EXOC3L2: variants seen among roughly 807,000 people sequenced by gnomAD.
EXOC3L2 encodes the protein exocyst complex component 3 like 2.
In EXOC3L2, 17 loss-of-function variants were observed where a neutral mutation model predicts 44.4. That is an observed-to-expected ratio of 0.38 (90% CI 0.26 to 0.57). EXOC3L2 has a LOEUF of 0.57. Among genes scored for constraint, EXOC3L2 ranks in the 20% least tolerant of loss-of-function variants. The pLI is 0.65. For synonymous variants in EXOC3L2, 256 were observed against 253.7 expected, an observed-to-expected ratio of 1.01 and a Z score of -0.09; for missense variants, 541 against 588.4, an observed-to-expected ratio of 0.92 and a Z score of 0.83.
At chr19:45,235,379 C>A (rs1490024111) in intron 2 of EXOC3L2, among the ~76,000 whole-genome samples, 4 of 151,154 alleles carry the variant, frequency 2.6e-5, no homozygotes, top group Admixed American at 1.3e-4. Flanking sequence ...GGTTGCAGGG[C>A]GGAAAAATGG....
chr19:45,218,170 A>ACC, intron 9 of EXOC3L2, 27 bp downstream of exon 9: 2 of 438,388 alleles, frequency 4.6e-6, no homozygotes, highest in Non-Finnish European at 6.2e-6. Context: ...CCCCACCCCC[A>ACC]CCTCCCCTCC....
At chr19:45,224,650 C>A (rs945232919) in intron 8 of EXOC3L2, 128 bp downstream of exon 8, 11 of 1,351,470 alleles carry the variant, frequency 8.1e-6, no homozygotes, top group African/African-American at 1.5e-5. Context: ...GCCTTAACTG[C>A]CCCTGCCCCC....
At chr19:45,215,153 AAAAC>A (rs1318716890) in intron 11 of EXOC3L2, among the ~76,000 whole-genome samples, 3 of 152,044 alleles carry the variant, frequency 2.0e-5, no homozygotes, top group Non-Finnish European at 4.4e-5. Context: ...AAAACAAAAC[AAAAC>A]AAACAACAAC....
At chr19:45,217,129 C>T (rs1208495701) in intron 10 of EXOC3L2, among the ~76,000 whole-genome samples, 1 of 151,790 alleles carries the variant, frequency 6.6e-6, no homozygotes, top group Non-Finnish European at 1.5e-5. Flanking sequence ...TCAAGCGATT[C>T]TCCTGCCTCA....
chr19:45,231,861 G>A lies in EXOC3L2; in HGVS notation c.1171C>T (p.Leu391=). The change falls in exon 4 of 12, where the codon CTG becomes TTG. Residue 391 remains leucine, a synonymous_variant. Coordinates refer to ENST00000413988, the MANE Select transcript of EXOC3L2 (RefSeq NM_001382422.1). ...NQVYPREVLG[L]VDMAALENGE... The stretch of plus-strand genomic sequence containing the variant: ...TTCTCCAGGGCGGCCATGTCCACCA[G>A]CCCTAGGACCTCTCTGGGGATGGGG... 2 of 1,597,938 alleles carry A rather than the reference G, an allele frequency of 1.3e-6. No individual in the cohort carries two copies. The highest frequency in any genetic ancestry group is 2.7e-5 in the African/African-American group (2 of 74,788).
chr19:45,224,788 T>C lies in EXOC3L2; in HGVS notation c.1709A>G (p.Gln570Arg), dbSNP rs781258739. 1.3e-6 allele frequency: 2 copies of C among 1,556,038 alleles called. No individual in the cohort carries two copies. The highest frequency in any genetic ancestry group is 1.7e-6 in the Non-Finnish European group (2 of 1,149,556). ...TCCCACCTCACTCACCTGCAGCTCC[T>C]GGAACAGCAGGTTGGCCACGACACG... ...CHRVVANLLFQELQPHFNKLM... is the reference protein window; with the variant it reads ...CHRVVANLLFRELQPHFNKLM... Residue 570 changes from glutamine (Q) to arginine (R), a missense_variant, in exon 8 of 12, where the codon CAG becomes CGG. Transcript: ENST00000413988.
At chr19:45,241,031 C>A (rs146533900) in intron 1 of EXOC3L2, among the ~76,000 whole-genome samples, 758 of 152,288 alleles carry the variant, frequency 5.0e-3, no homozygotes, top group Middle Eastern at 0.02. Flanking sequence ...TGAGTCCTGC[C>A]CATTCCATCT....
In EXOC3L2 at chr19:45,234,749, C is replaced by T. The variant is rs1293953135; in HGVS notation, c.601G>A (p.Glu201Lys). The T allele has an allele frequency of 1.5e-5, 6 of 395,660 alleles. No individual in the cohort carries two copies. Among genetic ancestry groups the T allele is most frequent in the Non-Finnish European group, 2.2e-5 (5 of 224,166 alleles). The allele number at this position is 395,660 out of a possible 1,614,324, so 24.5% of individuals were successfully genotyped here. Residue 201 changes from glutamate (E) to lysine (K), a missense_variant, in exon 3 of 12, where the codon GAG becomes AAG. By Grantham distance (56) the Glu-to-Lys change is moderately conservative. Coordinates refer to ENST00000413988, the MANE Select transcript of EXOC3L2 (RefSeq NM_001382422.1). The surrounding 1 kb of genome is among the most constrained non-coding windows in gnomAD (Gnocchi z 5.0). ...GCGCCGCCCCTCGACGGCGCCAGCT[C>T]CTCGGCCTCTAGCTCCAGGATGTGC... ...DEHILELEAEELAPSRGGAPG... is the reference protein window; with the variant it reads ...DEHILELEAEKLAPSRGGAPG...
intron 1 of EXOC3L2, among the ~76,000 whole-genome samples, chr19:45,240,657 A>G (rs1970123680): frequency 6.6e-6 from 1 of 152,120 alleles, no homozygotes. Flanking sequence ...GCACTTTGGG[A>G]GGTGGAGGCA....
chr19:45,224,654 T>TGCCCCC (rs1336279805), intron 8 of EXOC3L2, 124 bp downstream of exon 8: 6 of 1,378,462 alleles, frequency 4.4e-6, no homozygotes, highest in Non-Finnish European at 5.7e-6. Flanking sequence ...TAACTGCCCC[T>TGCCCCC]GCCCCCCGCC....
At position 45,234,149 on chromosome 19, in the gene EXOC3L2, G is replaced by A. The variant is rs1314977623; in HGVS notation, c.1157+44C>T. 5 of 389,846 alleles carry A rather than the reference G, an allele frequency of 1.3e-5. No individual in the cohort carries two copies. Among genetic ancestry groups the A allele is most frequent in the Non-Finnish European group, 1.8e-5 (4 of 220,390 alleles). 24.1% of individuals were successfully genotyped at this position (389,846 alleles called of 1,614,324 possible). On this transcript the variant is annotated intron_variant, in intron 3 of 11. Coordinates refer to ENST00000413988, the MANE Select transcript of EXOC3L2 (RefSeq NM_001382422.1). This position sits in a 1 kb window ranked among gnomAD's most constrained non-coding sequence, Gnocchi z 5.0. ...TGAAGAAGCCAGTGCTAGGGGGTAG[G>A]GCTGAGGGTTTCACGTGACCTTGGG...
At chr19:45,235,298 C>G (rs918743008) in intron 2 of EXOC3L2, among the ~76,000 whole-genome samples, 5 of 151,640 alleles carry the variant, frequency 3.3e-5, no homozygotes, top group Non-Finnish European at 5.9e-5. Flanking sequence ...GACTCTATCT[C>G]AAAAATAAAT....
At chr19:45,226,655 TGAA>T (rs1210211465) in intron 7 of EXOC3L2, among the ~76,000 whole-genome samples, 1 of 151,898 alleles carries the variant, frequency 6.6e-6, no homozygotes, top group Non-Finnish European at 1.5e-5. Flanking sequence ...AGGCTGGTCT[TGAA>T]CTCCTGACCT....
chr19:45,217,762 C>T, intron 9 of EXOC3L2, 79 bp from the exon 10 acceptor site: 1 of 1,370,216 alleles, frequency 7.3e-7, no homozygotes, highest in Non-Finnish European at 9.4e-7. Flanking sequence ...AAGGCCACCC[C>T]CGCCCCACTC....
At chr19:45,216,819 A>G (rs889688753) in intron 10 of EXOC3L2, 1 of 152,116 alleles carries the variant, frequency 6.6e-6, no homozygotes, top group African/African-American at 2.4e-5. Flanking sequence ...TGAATCTACA[A>G]TTATCTCAAA....
chr19:45,239,019 C>T lies in EXOC3L2; in HGVS notation c.27G>A (p.Val9=). The T allele has an allele frequency of 2.5e-6, 1 of 399,130 alleles. No homozygotes were observed. Among genetic ancestry groups the T allele is most frequent in the Admixed American group, 4.4e-5 (1 of 22,726 alleles). The allele number at this position is 399,130 out of a possible 1,614,324, so 24.7% of individuals were successfully genotyped here. A position where few individuals can be genotyped will look rare whatever the true frequency, so the allele number is the denominator to read the frequency against. MPILKNLG[V]SDPKVPRAGT... ...CCGCCCGGGGCACCTTAGGGTCTGA[C>T]ACTCCCAGATTCTTCAGGATAGGCA... The change falls in exon 2 of 12, where the codon GTG becomes GTA. Residue 9 remains valine, a synonymous_variant. Transcript: ENST00000413988.
At chr19:45,228,974 G>A (rs1471685887) in intron 4 of EXOC3L2, among the ~76,000 whole-genome samples, 1 of 151,812 alleles carries the variant, frequency 6.6e-6, no homozygotes, top group Non-Finnish European at 1.5e-5. Context: ...AGGAGGCTGA[G>A]GCAGGAGAAT....
At chr19:45,230,320 G>A (rs919355462) in intron 4 of EXOC3L2, among the ~76,000 whole-genome samples, 13 of 152,144 alleles carry the variant, frequency 8.5e-5, no homozygotes, top group Non-Finnish European at 1.8e-4. Flanking sequence ...CCGGGTTCAC[G>A]CCATTCTCCT....
At chr19:45,236,385 G>C (rs1478032714) in intron 2 of EXOC3L2, among the ~76,000 whole-genome samples, 1 of 140,268 alleles carries the variant, frequency 7.1e-6, no homozygotes, top group Non-Finnish European at 1.5e-5. Flanking sequence ...AGAATTGCTT[G>C]AACCCAGGCG....
Sources: gnomAD v4.1 joint callset for allele counts (sites outside exome capture counted in the v4.1 genomes callset) on GRCh38, gnomAD v4.1.1 for gene constraint, Gnocchi (gnomAD v3.1) non-coding constraint, MANE v1.5 for transcripts, NCBI Gene and HGNC (gene_info 2026-07-23, HGNC 2026-07-21) for gene names.